CHKA: variants seen among roughly 807,000 people sequenced by gnomAD.
CHKA encodes the protein choline kinase alpha, also known as CHETK-alpha.
In CHKA, 34 loss-of-function variants were observed where a neutral mutation model predicts 60.1. That is an observed-to-expected ratio of 0.57 (90% CI 0.43 to 0.75). The LOEUF (loss-of-function observed/expected upper bound fraction) is 0.75. Among genes scored for constraint, CHKA ranks in the 30% least tolerant of loss-of-function variants. The pLI is 0.00. For missense variants in CHKA, 563 were observed against 561.3 expected (o/e 1.00, Z -0.03); for synonymous variants, 217 against 223.1 (o/e 0.97, Z 0.24).
intron 2 of CHKA, among the ~76,000 whole-genome samples, chr11:68,094,139 A>C (rs936617773): frequency 3.9e-5 from 6 of 152,252 alleles, no homozygotes; most frequent in Admixed American, 3.9e-4. Flanking sequence ...TAATTTCAGC[A>C]TCTACTTATT....
At chr11:68,068,183 T>C (rs1856502126) in intron 7 of CHKA, among the ~76,000 whole-genome samples, 1 of 152,124 alleles carries the variant, frequency 6.6e-6, no homozygotes, top group Non-Finnish European at 1.5e-5. Flanking sequence ...GGTGTTAGGA[T>C]TACACGTGTT....
chr11:68,067,087 G>A (rs932099169), intron 7 of CHKA, among the ~76,000 whole-genome samples: 6 of 152,144 alleles, frequency 3.9e-5, no homozygotes, highest in African/African-American at 1.4e-4. Flanking sequence ...TTGGATTCTG[G>A]GTCAGGAGTT....
intron 1 of CHKA, among the ~76,000 whole-genome samples, chr11:68,107,999 G>A (rs554044672): frequency 6.6e-6 from 1 of 152,296 alleles, no homozygotes; most frequent in Middle Eastern, 3.4e-3. Flanking sequence ...AGAACGAGGA[G>A]ATTCCCTGCC....
chr11:68,089,605 AT>A (rs1463633541), intron 2 of CHKA, among the ~76,000 whole-genome samples: 6 of 152,186 alleles, frequency 3.9e-5, no homozygotes, highest in Non-Finnish European at 8.8e-5. Flanking sequence ...AAGGAATCTG[AT>A]TTGCTTTGGA....
At chr11:68,092,996 GT>G (rs72337177) in intron 2 of CHKA, among the ~76,000 whole-genome samples, 61,546 of 133,970 alleles carry the variant, frequency 0.46, 12,078 homozygotes, top group South Asian at 0.61. Context: ...TTCCCATCCA[GT>G]TTTTTTTGGG....
intron 11 of CHKA, among the ~76,000 whole-genome samples, chr11:68,059,860 T>C (rs529011742): frequency 3.9e-5 from 6 of 152,254 alleles, no homozygotes; most frequent in Middle Eastern, 3.4e-3. Context: ...CACCCTGCAG[T>C]TGCTGGGGGG....
intron 11 of CHKA, among the ~76,000 whole-genome samples, chr11:68,058,118 C>T (rs773700539): frequency 2.4e-4 from 37 of 152,114 alleles, no homozygotes; most frequent in Admixed American, 5.2e-4. Context: ...TTTCCAACTC[C>T]TGGGCTCTAG....
intron 9 of CHKA, 125 bp downstream of exon 9, chr11:68,065,661 A>T: frequency 1.5e-6 from 1 of 667,914 alleles, no homozygotes; most frequent in Non-Finnish European, 2.7e-6. Context: ...TGATCGCACT[A>T]CTGCACTCCA....
chr11:68,111,164 C>T (rs542158614), intron 1 of CHKA, among the ~76,000 whole-genome samples: 139 of 152,062 alleles, frequency 9.1e-4, no homozygotes, highest in African/African-American at 3.3e-3. Flanking sequence ...CTAATCCCAG[C>T]ACTTTGGGAG....
At chr11:68,074,901 ACAG>A in intron 3 of CHKA, 71 bp from the exon 4 acceptor site, 3 of 1,395,794 alleles carry the variant, frequency 2.1e-6, no homozygotes, top group Non-Finnish European at 3.0e-6. Context: ...AAGCACTCTC[ACAG>A]GAGTGTTTCA....
At chr11:68,103,838 C>T (rs1008582995) in intron 1 of CHKA, among the ~76,000 whole-genome samples, 17 of 150,148 alleles carry the variant, frequency 1.1e-4, no homozygotes, top group African/African-American at 3.7e-4. Flanking sequence ...CACTTGAACC[C>T]GGGAGGCAGT....
At chr11:68,114,640 T>C (rs1858315190) in intron 1 of CHKA, among the ~76,000 whole-genome samples, 1 of 149,416 alleles carries the variant, frequency 6.7e-6, no homozygotes, top group Middle Eastern at 3.5e-3. Context: ...GAGGTTGCAG[T>C]GAGCCAAGAT....
In CHKA at chr11:68,053,754, T is replaced by A. The variant is rs1696719330; in HGVS notation, c.*234A>T. The A allele has an allele frequency of 2.1e-6, 1 of 478,864 alleles. No individual in the cohort carries two copies. Among genetic ancestry groups the A allele is most frequent in the Non-Finnish European group, 3.7e-6 (1 of 267,194 alleles). The allele number at this position is 478,864 out of a possible 1,614,324, so 29.7% of individuals were successfully genotyped here. ...AAAGGATTCAGAGATGTTGCACTATTGCACTATATTTCTGCTTCCCGATCT... is the reference window on the plus strand; with the variant it reads ...AAAGGATTCAGAGATGTTGCACTATAGCACTATATTTCTGCTTCCCGATCT... On this transcript the variant is annotated 3_prime_UTR_variant, in exon 12 of 12. Coordinates refer to ENST00000265689, the MANE Select transcript of CHKA (RefSeq NM_001277.3).
At chr11:68,059,306 T>G (rs1856136824) in intron 11 of CHKA, among the ~76,000 whole-genome samples, 1 of 152,234 alleles carries the variant, frequency 6.6e-6, no homozygotes, top group Admixed American at 6.5e-5. Context: ...CTTTTTCCTG[T>G]GGTCCCTGAG....
At chr11:68,060,765 A>G (rs1443603672) in intron 11 of CHKA, among the ~76,000 whole-genome samples, 1 of 152,200 alleles carries the variant, frequency 6.6e-6, no homozygotes, top group African/African-American at 2.4e-5. Flanking sequence ...ATCTCTAGTA[A>G]TATTCCTTGT....
intron 2 of CHKA, among the ~76,000 whole-genome samples, chr11:68,082,765 C>T (rs1281378905): frequency 6.6e-6 from 1 of 152,174 alleles, no homozygotes; most frequent in African/African-American, 2.4e-5. Context: ...TGCACTGATA[C>T]ATATTCAATA....
chr11:68,060,251 C>G (rs886673119), intron 11 of CHKA, among the ~76,000 whole-genome samples: 4 of 151,696 alleles, frequency 2.6e-5, no homozygotes, highest in African/African-American at 9.7e-5. Flanking sequence ...CCAGGATGGT[C>G]TCGATCTCCT....
chr11:68,108,151 A>G (rs1377471617), intron 1 of CHKA, among the ~76,000 whole-genome samples: 1 of 152,072 alleles, frequency 6.6e-6, no homozygotes, highest in African/African-American at 2.4e-5. Flanking sequence ...TATTATTATT[A>G]TTATCTAAAT....
Position 68,121,130 on chromosome 11 carries a change from G to A in CHKA, c.48C>T (p.Leu16=). Residue 16 remains leucine (L), a synonymous_variant, in exon 1 of 12, where the codon CTC becomes CTT. Transcript: ENST00000265689. ...CTGGEAEPSP[L]GLLLSCGSGS... Reference sequence around the variant, plus strand: ...CGCTACCGCAGCTCAGCAGCAGCCCGAGCGGCGAGGGCTCCGCCTCGCCCC... The same window carrying A: ...CGCTACCGCAGCTCAGCAGCAGCCCAAGCGGCGAGGGCTCCGCCTCGCCCC... 2 of 1,208,276 alleles carry A rather than the reference G, an allele frequency of 1.7e-6. No individual in the cohort carries two copies. Among genetic ancestry groups the A allele is most frequent in the Non-Finnish European group, 2.1e-6 (2 of 966,086 alleles). 74.8% of individuals were successfully genotyped at this position (1,208,276 alleles called of 1,614,324 possible).
Sources: gnomAD v4.1 joint callset for allele counts (sites outside exome capture counted in the v4.1 genomes callset) on GRCh38, gnomAD v4.1.1 for gene constraint, MANE v1.5 for transcripts, NCBI Gene and HGNC (gene_info 2026-07-23, HGNC 2026-07-21) for gene names.